Variants in ANKFN1 observed in about 807,000 individuals in gnomAD.
The protein encoded by ANKFN1 is ankyrin repeat and fibronectin type-III domain-containing protein 1.
A neutral mutation model predicts 108.7 loss-of-function variants in ANKFN1; 74 were observed. The observed-to-expected ratio is 0.68, with a 90% CI of 0.56 to 0.83. The LOEUF is 0.83. Among genes scored for constraint, ANKFN1 ranks in the 40% least tolerant of loss-of-function variants. The pLI is 0.00. For missense variants in ANKFN1, 1,505 were observed against 1,382.3 expected (o/e 1.09, Z -1.41); for synonymous variants, 547 against 516.2 (o/e 1.06, Z -0.81).
At chr17:56,323,659 G>A (rs2045434377) in intron 3 of ANKFN1, 1 of 152,210 alleles carries the variant, frequency 6.6e-6, no homozygotes, top group Non-Finnish European at 1.5e-5. Flanking sequence ...GAACTTTAAG[G>A]TTCCTTTCAA....
intron 4 of ANKFN1, among the ~76,000 whole-genome samples, chr17:56,080,578 A>G (rs1905233784): frequency 6.6e-6 from 1 of 152,116 alleles, no homozygotes; most frequent in African/African-American, 2.4e-5. Flanking sequence ...TGTTATACTA[A>G]TTCACTCATT....
intron 3 of ANKFN1, among the ~76,000 whole-genome samples, chr17:56,274,979 C>A (rs959862582): frequency 6.6e-6 from 1 of 152,118 alleles, no homozygotes; most frequent in African/African-American, 2.4e-5. Context: ...AATAACGGTC[C>A]CTTCTCTTCC....
chr17:56,083,248 TAA>T (rs1488850732), intron 4 of ANKFN1, among the ~76,000 whole-genome samples: 2 of 151,400 alleles, frequency 1.3e-5, no homozygotes. Flanking sequence ...TAAAGGTCAC[TAA>T]AACAAAATGG....
intron 4 of ANKFN1, among the ~76,000 whole-genome samples, chr17:56,344,350 A>G (rs2046040187): frequency 6.6e-6 from 1 of 151,984 alleles, no homozygotes; most frequent in Admixed American, 6.6e-5. Flanking sequence ...GATTTCCTTA[A>G]ATGCCTAGAA....
At chr17:56,480,081 T>C (rs1393388003) in intron 16 of ANKFN1, among the ~76,000 whole-genome samples, 7 of 152,222 alleles carry the variant, frequency 4.6e-5, no homozygotes, top group Non-Finnish European at 1.5e-5. Context: ...AAGACACAGA[T>C]TACTGGTTTG....
intron 3 of ANKFN1, among the ~76,000 whole-genome samples, chr17:56,307,066 CA>C (rs1260592728): frequency 6.6e-6 from 1 of 152,138 alleles, no homozygotes; most frequent in African/African-American, 2.4e-5. Flanking sequence ...ACACCTTATA[CA>C]AAAATTAATT....
chr17:56,163,466 C>T (rs1207300416), intron 1 of ANKFN1, among the ~76,000 whole-genome samples: 1 of 152,214 alleles, frequency 6.6e-6, no homozygotes, highest in Non-Finnish European at 1.5e-5. Flanking sequence ...CTAAAACTTC[C>T]AGCTCCCCTG....
intron 8 of ANKFN1, among the ~76,000 whole-genome samples, chr17:56,388,883 A>G (rs1018856976): frequency 1.3e-5 from 2 of 152,184 alleles, no homozygotes; most frequent in Non-Finnish European, 2.9e-5. Context: ...TATCACAGTA[A>G]CAAAGCGTTT....
intron 4 of ANKFN1, among the ~76,000 whole-genome samples, chr17:56,343,046 G>A (rs2046000581): frequency 6.6e-6 from 1 of 151,956 alleles, no homozygotes; most frequent in South Asian, 2.1e-4. Context: ...TTACCATTAT[G>A]TAATGTCTTT....
chr17:56,297,735 T>A (rs899852022), intron 3 of ANKFN1, among the ~76,000 whole-genome samples: 3 of 152,198 alleles, frequency 2.0e-5, no homozygotes, highest in Non-Finnish European at 2.9e-5. Flanking sequence ...AGAAGTCTCC[T>A]AGTGCCTCAC....
chr17:56,177,339 A>T (rs562741141), intron 1 of ANKFN1, among the ~76,000 whole-genome samples: 1 of 152,176 alleles, frequency 6.6e-6, no homozygotes, highest in African/African-American at 2.4e-5. Flanking sequence ...AACAACACAG[A>T]TGGAATTTTG....
intron 3 of ANKFN1, among the ~76,000 whole-genome samples, chr17:56,320,908 A>G (rs954877657): frequency 1.3e-5 from 2 of 152,090 alleles, no homozygotes; most frequent in Non-Finnish European, 2.9e-5. Flanking sequence ...TTTGAATGCA[A>G]TGTGTCTCGT....
At chr17:56,217,476 C>G (rs945938147) in intron 2 of ANKFN1, among the ~76,000 whole-genome samples, 2 of 152,172 alleles carry the variant, frequency 1.3e-5, no homozygotes, top group African/African-American at 4.8e-5. Context: ...AAGGGCCCAG[C>G]AATTGTGCCC....
chr17:56,159,083 A>AGAGGAG (rs903949654), intron 1 of ANKFN1, among the ~76,000 whole-genome samples: 1 of 148,832 alleles, frequency 6.7e-6, no homozygotes, highest in Non-Finnish European at 1.5e-5. Flanking sequence ...AAGAAGAGGA[A>AGAGGAG]GAGGAGGAGG....
chr17:56,198,041 C>T (rs984100145), intron 1 of ANKFN1, among the ~76,000 whole-genome samples: 2 of 152,116 alleles, frequency 1.3e-5, no homozygotes, highest in Non-Finnish European at 2.9e-5. Flanking sequence ...GTGAACTGTG[C>T]ATGTGAGGGA....
At chr17:56,220,687 A>AGAAAG (rs202234655) in intron 2 of ANKFN1, among the ~76,000 whole-genome samples, 1 of 149,734 alleles carries the variant, frequency 6.7e-6, no homozygotes, top group African/African-American at 2.5e-5. Flanking sequence ...AGGGAGGAAA[A>AGAAAG]GAAAGGAAAG....
In ANKFN1 at chr17:56,303,645, T is replaced by C. The variant is rs192308704; in HGVS notation, c.54-22576T>C. The stretch of plus-strand genomic sequence containing the variant: ...TAACTGTAGCTCTACACACATGCTG[T>C]TGAGAAAAATAATAGACGGAGATTC... On this transcript the variant is annotated intron_variant, in intron 3 of 20. Coordinates refer to ENST00000682825, the MANE Select transcript of ANKFN1 (RefSeq NM_001370326.1). Among the ~76,000 whole-genome samples, 20 of 152,286 alleles carry C rather than the reference T, an allele frequency of 1.3e-4. No individual in the cohort carries two copies. The East Asian group carries it at 3.7e-3, about 28-fold the overall frequency.
intron 3 of ANKFN1, among the ~76,000 whole-genome samples, chr17:56,287,926 G>A (rs1160890711): frequency 1.3e-5 from 2 of 152,148 alleles, no homozygotes; most frequent in Non-Finnish European, 2.9e-5. Flanking sequence ...AAGCTTTGAT[G>A]GCTGGGCAGA....
rs1277949816 is a variant in ANKFN1 at position 56,510,594 on chromosome 17, C to A, written c.2766C>A (p.His922Gln). The A allele has an allele frequency of 1.2e-5, 18 of 1,536,042 alleles. No homozygotes were observed. The Admixed American group carries it at 3.3e-4, about 28-fold the overall frequency. ...RDLDLVYLSSHDIAQQTLSGL... is the reference protein window; with the variant it reads ...RDLDLVYLSSQDIAQQTLSGL... ...TGGACCTGGTCTACCTATCATCTCA[C>A]GACATTGCGCAGCAGACCCTTAGCG... Residue 922 changes from histidine to glutamine, a missense_variant, in exon 21 of 21, where the codon CAC (histidine) becomes CAA (glutamine). Transcript: ENST00000682825.
Sources: gnomAD v4.1 joint callset for allele counts (sites outside exome capture counted in the v4.1 genomes callset) on GRCh38, gnomAD v4.1.1 for gene constraint, MANE v1.5 for transcripts, NCBI Gene and HGNC (gene_info 2026-07-23, HGNC 2026-07-21) for gene names.